The following PCDH17 variants were observed in gnomAD, a reference collection of about 807,000 sequenced individuals.
PCDH17 encodes protocadherin-17.
PCDH17 carries 21 observed loss-of-function variants against 67.7 expected under a neutral mutation model. The ratio of observed to expected loss-of-function variants is 0.31; its 90% CI spans 0.22 to 0.45. The LOEUF (loss-of-function observed/expected upper bound fraction) is 0.45. Among genes scored for constraint, PCDH17 ranks in the 20% least tolerant of loss-of-function variants. The pLI is 1.00. For missense variants in PCDH17, 1,471 were observed against 1,564.8 expected (o/e 0.94, Z 1.01); for synonymous variants, 701 against 656.7 (o/e 1.07, Z -1.03).
At chr13:57,724,277 A>G (rs9316943) in intron 3 of PCDH17, among the ~76,000 whole-genome samples, 41,565 of 152,000 alleles carry the variant, frequency 0.27, 5,974 homozygotes, top group East Asian at 0.49. Context: ...TGTTTCTAGG[A>G]TGAGTTATAC....
chr13:57,700,601 G>C (rs1315091416), intron 3 of PCDH17, among the ~76,000 whole-genome samples: 1 of 152,144 alleles, frequency 6.6e-6, no homozygotes, highest in Admixed American at 6.6e-5. Context: ...AAGGGAAGAA[G>C]CTTAGATGGA....
rs1207431133 is a variant in PCDH17, at chr13:57,632,407, C to T, written c.-140C>T. On this transcript the variant is annotated 5_prime_UTR_variant, in exon 1 of 4. Coordinates refer to ENST00000377918, the MANE Select transcript of PCDH17 (RefSeq NM_001040429.3). The stretch of plus-strand genomic sequence containing the variant: ...GGAGAGACCACCGGGTGCCGCAGCT[C>T]GGGTGCAGAGGGAAAAAAGGACCCA... 8.9e-6 allele frequency: 7 copies of T among 787,652 alleles called. No homozygotes were observed. The highest frequency in any genetic ancestry group is 1.2e-5 in the Non-Finnish European group (6 of 497,140). The allele number at this position is 787,652 out of a possible 1,614,324, so 48.8% of individuals were successfully genotyped here. A position where few individuals can be genotyped will look rare whatever the true frequency, so the allele number is the denominator to read the frequency against.
chr13:57,675,414 G>C (rs1955381067), intron 3 of PCDH17, among the ~76,000 whole-genome samples: 1 of 151,908 alleles, frequency 6.6e-6, no homozygotes. Context: ...AAGATGAGCT[G>C]AGGCACAGAC....
rs201195149 is a variant in PCDH17 at position 57,632,992 on chromosome 13, C to T, written c.446C>T (p.Thr149Ile). 1.7e-5 allele frequency: 27 copies of T among 1,613,240 alleles called. No individual in the cohort carries two copies. The East Asian group carries it at 5.1e-4, about 31-fold the overall frequency. ...MDISENAAPG[T>I]RFPLTSAHDP... ...ATCTCGGAGAACGCTGCTCCGGGCA[C>T]CCGCTTCCCCCTCACCAGCGCACAT... Residue 149 changes from threonine to isoleucine, a missense_variant, in exon 1 of 4, where the codon ACC becomes ATC. Physicochemically the swap from Thr to Ile is moderately conservative, Grantham distance 89. Transcript: ENST00000377918.
Position 57,632,661 on chromosome 13 carries a change from G to C in PCDH17, c.115G>C (p.Gly39Arg), listed in dbSNP as rs555111507. 3 of 1,612,308 alleles carry C rather than the reference G, an allele frequency of 1.9e-6. No individual in the cohort carries two copies. Among genetic ancestry groups the C allele is most frequent in the South Asian group, 1.1e-5 (1 of 91,080 alleles). The part of the protein sequence containing the change: ...QGAGTVIGNI[G>R]RDARLQPGLP... ...GGCCGGCACGGTGATCGGGAACATC[G>C]GCAGGGATGCTCGACTGCAGCCTGG... Residue 39 changes from glycine to arginine, a missense_variant, in exon 1 of 4, where the codon GGC (glycine) becomes CGC (arginine). Transcript: ENST00000377918.
At chr13:57,689,372 A>C (rs1266734037) in intron 3 of PCDH17, among the ~76,000 whole-genome samples, 1 of 151,990 alleles carries the variant, frequency 6.6e-6, no homozygotes, top group Non-Finnish European at 1.5e-5. Context: ...CTGAGGGAGA[A>C]GGGGCAAGTT....
chr13:57,633,637 C>G lies in PCDH17; in HGVS notation c.1091C>G (p.Ala364Gly), dbSNP rs1035057614. The change falls in exon 1 of 4, where the codon GCC becomes GGC. Residue 364 changes from alanine to glycine, a missense_variant. Physicochemically the swap from Ala to Gly is moderately conservative, Grantham distance 60. This residue lies in a region of PCDH17 where 1,163 missense variants were observed against 1,230.0 expected (regional missense o/e 0.95). Coordinates refer to ENST00000377918, the MANE Select transcript of PCDH17 (RefSeq NM_001040429.3). This position sits in a 1 kb window ranked among gnomAD's most constrained non-coding sequence, Gnocchi z 6.2. ...VSVRQGALSE[A>G]APPGTVIALV... ...GTGCGCCAGGGGGCGCTGAGCGAGG[C>G]CGCCCCTCCCGGCACCGTCATCGCC... is the stretch of plus-strand genomic sequence containing the variant. 5 of 1,608,892 alleles carry G rather than the reference C, an allele frequency of 3.1e-6. No individual in the cohort carries two copies. In the African/African-American group the frequency reaches 6.7e-5, roughly 21 times the overall value.
chr13:57,641,424 G>GA (rs917949347), intron 1 of PCDH17, among the ~76,000 whole-genome samples: 8 of 147,402 alleles, frequency 5.4e-5, no homozygotes, highest in South Asian at 2.1e-4. Flanking sequence ...CAAAAAAAAA[G>GA]AAAAAAAACA....
intron 3 of PCDH17, among the ~76,000 whole-genome samples, chr13:57,672,062 T>A (rs1425309035): frequency 1.3e-5 from 2 of 152,018 alleles, no homozygotes; most frequent in African/African-American, 4.8e-5. Context: ...TTACATTGAG[T>A]TTTAAAATTT....
intron 3 of PCDH17, among the ~76,000 whole-genome samples, chr13:57,677,872 A>G (rs1470900114): frequency 1.3e-5 from 2 of 151,792 alleles, no homozygotes; most frequent in Admixed American, 6.6e-5. Context: ...GTAGAGAGTC[A>G]AATGGTGGTT....
At chr13:57,658,355 G>A (rs80272008) in intron 1 of PCDH17, among the ~76,000 whole-genome samples, 1 of 152,026 alleles carries the variant, frequency 6.6e-6, no homozygotes, top group African/African-American at 2.4e-5. Flanking sequence ...AAATTAACGT[G>A]AGGCAAGGGA....
intron 3 of PCDH17, among the ~76,000 whole-genome samples, chr13:57,687,064 T>A (rs1277526877): frequency 6.6e-6 from 1 of 152,040 alleles, no homozygotes; most frequent in East Asian, 1.9e-4. Flanking sequence ...AAATGAGTAA[T>A]CTCTAATATG....
At chr13:57,657,971 C>G (rs926719404) in intron 1 of PCDH17, among the ~76,000 whole-genome samples, 1 of 152,072 alleles carries the variant, frequency 6.6e-6, no homozygotes, top group Admixed American at 6.5e-5. Context: ...GACATACTTA[C>G]AATTATTCTA....
intron 3 of PCDH17, among the ~76,000 whole-genome samples, chr13:57,699,590 T>A (rs938778387): frequency 6.6e-6 from 1 of 152,022 alleles, no homozygotes; most frequent in African/African-American, 2.4e-5. Flanking sequence ...AAGATTCTTT[T>A]TTTTTACAAG....
chr13:57,633,597 A>G lies in PCDH17; in HGVS notation c.1051A>G (p.Ile351Val). Reference sequence around the variant, plus strand: ...CGACCGCAACGACAATGCGCCGTCCATCGGTTTCGTCTCCGTGCGCCAGGG... The same window carrying G: ...CGACCGCAACGACAATGCGCCGTCCGTCGGTTTCGTCTCCGTGCGCCAGGG... Reference protein sequence around the residue: ...LIDRNDNAPSIGFVSVRQGAL... With the variant: ...LIDRNDNAPSVGFVSVRQGAL... The change falls in exon 1 of 4, where the codon ATC becomes GTC. Residue 351 changes from isoleucine to valine, a missense_variant. Ile to Val is a conservative substitution (Grantham distance 29). This residue lies in a region of PCDH17 where 1,163 missense variants were observed against 1,230.0 expected (regional missense o/e 0.95). Transcript: ENST00000377918. This position sits in a 1 kb window ranked among gnomAD's most constrained non-coding sequence, Gnocchi z 6.2. 1.9e-6 allele frequency: 3 copies of G among 1,612,802 alleles called. No homozygotes were observed. The highest frequency in any genetic ancestry group is 1.6e-4 in the Middle Eastern group (1 of 6,062).
chr13:57,656,846 G>A (rs1310405333), intron 1 of PCDH17, among the ~76,000 whole-genome samples: 2 of 152,158 alleles, frequency 1.3e-5, no homozygotes, highest in South Asian at 4.1e-4. Flanking sequence ...GTTGGAGTTA[G>A]CAGTCTTTAA....
chr13:57,653,618 G>T lies in PCDH17; in HGVS notation c.2566-12850G>T, dbSNP rs893266899. Reference sequence around the variant, plus strand: ...ATAGAAGTGAGGTTAAAAGGAAAGAGATTTGAAGGTGTAATATAGTGGTGA... The same window carrying T: ...ATAGAAGTGAGGTTAAAAGGAAAGATATTTGAAGGTGTAATATAGTGGTGA... On this transcript the variant is annotated intron_variant, in intron 1 of 3. Transcript: ENST00000377918. Among the ~76,000 whole-genome samples the T allele has an allele frequency of 4.6e-5, 7 of 152,240 alleles. No individual in the cohort carries two copies. The South Asian group carries it at 1.0e-3, about 23-fold the overall frequency.
At chr13:57,661,709 A>G (rs1237410105) in intron 1 of PCDH17, among the ~76,000 whole-genome samples, 1 of 152,128 alleles carries the variant, frequency 6.6e-6, no homozygotes, top group Non-Finnish European at 1.5e-5. Flanking sequence ...TTTCTACTGA[A>G]TTATATATTG....
At chr13:57,687,935 A>G (rs1463253168) in intron 3 of PCDH17, among the ~76,000 whole-genome samples, 1 of 152,042 alleles carries the variant, frequency 6.6e-6, no homozygotes, top group Non-Finnish European at 1.5e-5. Flanking sequence ...TTTTCAGGAT[A>G]GTTGGACTCC....
Sources: allele counts gnomAD v4.1 joint callset (sites outside exome capture counted in the v4.1 genomes callset), GRCh38; gene constraint gnomAD v4.1.1; regional missense constraint gnomAD v4.1.1; non-coding constraint Gnocchi (gnomAD v3.1); transcripts MANE v1.5; gene names NCBI Gene and HGNC (gene_info 2026-07-23, HGNC 2026-07-21).